Variants in MCF2L2 observed in about 807,000 individuals in gnomAD.
The protein encoded by MCF2L2 is MCF.2 cell line derived transforming sequence-like 2.
A neutral mutation model predicts 150.2 loss-of-function variants in MCF2L2; 102 were observed. The ratio of observed to expected loss-of-function variants is 0.68; its 90% CI spans 0.58 to 0.80. The LOEUF (loss-of-function observed/expected upper bound fraction) is 0.80, where lower values mean the gene tolerates loss of function less well. Ranked by LOEUF, MCF2L2 falls within the 30% of genes least tolerant of loss-of-function variation. The probability of loss-of-function intolerance (pLI) is 0.00; values close to 1 mark genes in which losing one functional copy is unlikely to be tolerated. For synonymous variants in MCF2L2, 465 were observed against 491.3 expected, an observed-to-expected ratio of 0.95 and a Z score of 0.71; for missense variants, 1,256 against 1,372.8, an observed-to-expected ratio of 0.91 and a Z score of 1.34.
chr3:183,210,010 T>A (rs960882015), intron 22 of MCF2L2, among the ~76,000 whole-genome samples: 1 of 152,150 alleles, frequency 6.6e-6, no homozygotes, highest in Non-Finnish European at 1.5e-5. Context: ...GTAGTTTCTA[T>A]CTTACAATGT....
chr3:183,301,379 TG>T (rs1482627263), intron 10 of MCF2L2, among the ~76,000 whole-genome samples: 2 of 152,048 alleles, frequency 1.3e-5, no homozygotes, highest in African/African-American at 4.8e-5. Flanking sequence ...GATGAGTATG[TG>T]GAGAAAAATT....
chr3:183,397,401 A>G (rs1310949524), intron 1 of MCF2L2, among the ~76,000 whole-genome samples: 1 of 152,168 alleles, frequency 6.6e-6, no homozygotes, highest in Non-Finnish European at 1.5e-5. Context: ...GAGATGGAAG[A>G]GGGAGGCAGC....
intron 3 of MCF2L2, among the ~76,000 whole-genome samples, chr3:183,352,277 C>T (rs931550894): frequency 1.3e-5 from 2 of 152,208 alleles, no homozygotes; most frequent in African/African-American, 4.8e-5. Context: ...AATCCCAGCA[C>T]TTTGGGAGGC....
At chr3:183,382,208 G>A (rs1191964749) in intron 2 of MCF2L2, among the ~76,000 whole-genome samples, 3 of 152,006 alleles carry the variant, frequency 2.0e-5, no homozygotes, top group Non-Finnish European at 4.4e-5. Context: ...ACAGGCACAT[G>A]CCACCACGCC....
chr3:183,317,680 G>C (rs1441354382), intron 7 of MCF2L2, among the ~76,000 whole-genome samples: 1 of 152,244 alleles, frequency 6.6e-6, no homozygotes, highest in Non-Finnish European at 1.5e-5. Flanking sequence ...CCCTACCCCT[G>C]CAATTTCAGC....
At position 183,320,415 on chromosome 3, in the gene MCF2L2, G is replaced by A. The variant is rs558070340; in HGVS notation, c.604-2198C>T. 2.0e-5 allele frequency among the ~76,000 whole-genome samples: 3 copies of A among 152,198 alleles called. No individual in the cohort carries two copies. The East Asian group carries it at 5.8e-4, about 29-fold the overall frequency. On this transcript the variant is annotated intron_variant, in intron 6 of 29. Coordinates refer to ENST00000328913, the MANE Select transcript of MCF2L2 (RefSeq NM_015078.4). Reference sequence around the variant, plus strand: ...GCCGAGTATAGCCACTTTCAGCAATGATCTTAGCTAGATCTTCTGGATAAC... The same window carrying A: ...GCCGAGTATAGCCACTTTCAGCAATAATCTTAGCTAGATCTTCTGGATAAC...
At chr3:183,247,515 G>GTACT (rs908449541) in intron 15 of MCF2L2, among the ~76,000 whole-genome samples, 1 of 152,142 alleles carries the variant, frequency 6.6e-6, no homozygotes, top group African/African-American at 2.4e-5. Context: ...CCAAGAAAGA[G>GTACT]TACTACTGGT....
chr3:183,190,559 T>C (rs942966575), intron 27 of MCF2L2, among the ~76,000 whole-genome samples: 1 of 152,264 alleles, frequency 6.6e-6, no homozygotes, highest in African/African-American at 2.4e-5. Context: ...CCTGATCCCC[T>C]GGGCAGTACT....
chr3:183,243,918 C>T (rs893526040), intron 15 of MCF2L2, among the ~76,000 whole-genome samples: 35 of 152,048 alleles, frequency 2.3e-4, no homozygotes, highest in African/African-American at 7.5e-4. Context: ...AGGCGGATCA[C>T]GAGGTCAGGA....
chr3:183,213,848 A>G (rs1682774267), intron 22 of MCF2L2, among the ~76,000 whole-genome samples: 2 of 152,234 alleles, frequency 1.3e-5, no homozygotes, highest in Admixed American at 1.3e-4. Context: ...GGATTATACA[A>G]AACTGTCAGG....
rs1194555205 is a variant in MCF2L2 at position 183,267,062 on chromosome 3, AG to A, written c.1862+9809del. Among the ~76,000 whole-genome samples, 1 of 152,226 alleles carries A rather than the reference AG, an allele frequency of 6.6e-6. No homozygotes were observed. The highest frequency in any genetic ancestry group is 1.5e-5 in the Non-Finnish European group (1 of 68,036). ...CGGCCTCCCAAAGCGCTAGGATTACAGGCGTGAGCCACCATGGCCGGCCTTC... is the reference window on the plus strand; with the variant it reads ...CGGCCTCCCAAAGCGCTAGGATTACAGCGTGAGCCACCATGGCCGGCCTTC... On this transcript the variant is annotated intron_variant, in intron 15 of 29. Coordinates refer to ENST00000328913, the MANE Select transcript of MCF2L2 (RefSeq NM_015078.4). This position sits in a 1 kb window ranked among gnomAD's most constrained non-coding sequence, Gnocchi z 5.5.
In MCF2L2 at chr3:183,295,288, C is replaced by T. The variant is rs745725650; in HGVS notation, c.1675+12G>A. The T allele has an allele frequency of 1.3e-6, 2 of 1,592,806 alleles. No individual in the cohort carries two copies. Among genetic ancestry groups the T allele is most frequent in the Admixed American group, 1.9e-5 (1 of 53,762 alleles). ...CAAAAGCCACAAAGCTTCTTTTCCTCAAATAACCTACCCGAGGTGGAGGGC... is the reference window on the plus strand; with the variant it reads ...CAAAAGCCACAAAGCTTCTTTTCCTTAAATAACCTACCCGAGGTGGAGGGC... On this transcript the variant is annotated intron_variant, in intron 13 of 29. Coordinates refer to ENST00000328913, the MANE Select transcript of MCF2L2 (RefSeq NM_015078.4).
intron 26 of MCF2L2, 62 bp from the exon 27 acceptor site, chr3:183,193,158 C>T: frequency 2.1e-6 from 3 of 1,397,720 alleles, no homozygotes; most frequent in African/African-American, 1.4e-5. Flanking sequence ...ATCCCTCCCC[C>T]ACCAGTTGGA....
chr3:183,276,215 G>A (rs1727147861), intron 15 of MCF2L2, among the ~76,000 whole-genome samples: 1 of 152,174 alleles, frequency 6.6e-6, no homozygotes, highest in African/African-American at 2.4e-5. Context: ...TTAATATTAT[G>A]TTTAATCAAG....
Position 183,428,045 on chromosome 3 carries a change from T to A in MCF2L2, c.-68A>T. 3 of 1,226,296 alleles carry A rather than the reference T, an allele frequency of 2.4e-6. No individual in the cohort carries two copies. Among genetic ancestry groups the A allele is most frequent in the African/African-American group, 1.5e-5 (1 of 67,070 alleles). The allele number at this position is 1,226,296 out of a possible 1,614,324, so 76.0% of individuals were successfully genotyped here. ...TGTTTCTACCGCTGCGGTGGATGAT[T>A]TTTTAAAGGCATCTCCGCCCAAGGA... is the stretch of plus-strand genomic sequence containing the variant. On this transcript the variant is annotated 5_prime_UTR_variant, in exon 1 of 30. Coordinates refer to ENST00000328913, the MANE Select transcript of MCF2L2 (RefSeq NM_015078.4). This position sits in a 1 kb window ranked among gnomAD's most constrained non-coding sequence, Gnocchi z 5.1.
At chr3:183,362,019 A>G (rs113556096) in intron 3 of MCF2L2, among the ~76,000 whole-genome samples, 6 of 152,252 alleles carry the variant, frequency 3.9e-5, no homozygotes, top group African/African-American at 1.4e-4. Context: ...TCGTGTGCTT[A>G]GACTTGGGTC....
intron 13 of MCF2L2, among the ~76,000 whole-genome samples, chr3:183,293,627 A>G (rs1473356285): frequency 6.6e-6 from 1 of 152,238 alleles, no homozygotes; most frequent in Admixed American, 6.5e-5. Context: ...CATCATACTT[A>G]AAGATGAAAC....
At chr3:183,345,972 G>C (rs1730882410) in intron 3 of MCF2L2, among the ~76,000 whole-genome samples, 1 of 152,122 alleles carries the variant, frequency 6.6e-6, no homozygotes, top group Non-Finnish European at 1.5e-5. Flanking sequence ...TGGATACACA[G>C]CCAAATTCTA....
chr3:183,201,540 G>T (rs1392615096), intron 25 of MCF2L2, among the ~76,000 whole-genome samples: 1 of 152,182 alleles, frequency 6.6e-6, no homozygotes, highest in African/African-American at 2.4e-5. Context: ...AGACGATGGG[G>T]TTTTCTAAAT....
Sources: allele counts gnomAD v4.1 joint callset (sites outside exome capture counted in the v4.1 genomes callset), GRCh38; gene constraint gnomAD v4.1.1; non-coding constraint Gnocchi (gnomAD v3.1); transcripts MANE v1.5; gene names NCBI Gene and HGNC (gene_info 2026-07-23, HGNC 2026-07-21).